The following LGALS8 variants were observed in gnomAD, a reference collection of about 807,000 sequenced individuals.
LGALS8 encodes the protein galectin 8.
In LGALS8, 30 loss-of-function variants were observed where a neutral mutation model predicts 35.9. That is an observed-to-expected ratio of 0.83 (90% CI 0.62 to 1.13). LGALS8 has a LOEUF of 1.13. LGALS8 is among the 50% of genes most tolerant of loss of function. LGALS8 has a pLI of 0.00. For missense variants in LGALS8, 366 were observed against 388.7 expected (o/e 0.94, Z 0.49); for synonymous variants, 138 against 136.1 (o/e 1.01, Z -0.10).
intron 3 of LGALS8, among the ~76,000 whole-genome samples, chr1:236,537,934 T>TAA (rs1553277041): frequency 1.6e-5 from 2 of 128,874 alleles, no homozygotes; most frequent in African/African-American, 6.6e-5. Flanking sequence ...CCCCCATCTG[T>TAA]AAAAAAAAAA....
At chr1:236,518,864 C>T (rs1266382), upstream of LGALS8, among the ~76,000 whole-genome samples, 65,828 of 151,970 alleles carry the variant, frequency 0.43, 16,590 homozygotes, top group African/African-American at 0.67. Flanking sequence ...ATTTTACAAT[C>T]ATGTTAACAA....
intron 2 of LGALS8, among the ~76,000 whole-genome samples, chr1:236,533,464 A>G (rs56740824): frequency 0.041 from 6,223 of 151,818 alleles, 435 homozygotes; most frequent in African/African-American, 0.14. Flanking sequence ...CCTCCTGAGT[A>G]GCTGGGATTA....
At position 236,542,522 on chromosome 1, in the gene LGALS8, T is replaced by C. The variant is rs557102988; in HGVS notation, c.523-239T>C. On this transcript the variant is annotated intron_variant, in intron 6 of 9. Coordinates refer to ENST00000366584, the MANE Select transcript of LGALS8 (RefSeq NM_201544.4). Reference sequence around the variant, plus strand: ...AGTTCTATGAAAAATTATTAATTTATGGTGGAGGATAAAGGACTCAGATGA... The same window carrying C: ...AGTTCTATGAAAAATTATTAATTTACGGTGGAGGATAAAGGACTCAGATGA... 9 of 563,680 alleles carry C rather than the reference T, an allele frequency of 1.6e-5. No homozygotes were observed. In the South Asian group the frequency reaches 2.2e-4, roughly 14 times the overall value. The allele number at this position is 563,680 out of a possible 1,614,324, so 34.9% of individuals were successfully genotyped here.
chr1:236,521,593 C>T (rs978977058), upstream of LGALS8, among the ~76,000 whole-genome samples: 4 of 152,070 alleles, frequency 2.6e-5, no homozygotes, highest in African/African-American at 4.8e-5. Flanking sequence ...TACAGGAGGC[C>T]GAGGCGGGCG....
chr1:236,532,802 C>T (rs901917199), intron 2 of LGALS8, among the ~76,000 whole-genome samples: 1 of 152,186 alleles, frequency 6.6e-6, no homozygotes, highest in African/African-American at 2.4e-5. Context: ...CGAGATCACG[C>T]CATTGCACTC....
chr1:236,531,824 C>G (rs143118762), intron 2 of LGALS8, among the ~76,000 whole-genome samples: 1 of 152,170 alleles, frequency 6.6e-6, no homozygotes, highest in African/African-American at 2.4e-5. Context: ...TGATGACTCA[C>G]CAGCATAGAG....
At chr1:236,523,452 G>C (rs1298567968), upstream of LGALS8, 2 of 156,706 alleles carry the variant, frequency 1.3e-5, no homozygotes, top group South Asian at 3.7e-4. Context: ...ACTTGGATCC[G>C]AGGCAGACGA....
intron 2 of LGALS8, among the ~76,000 whole-genome samples, chr1:236,529,087 G>T (rs1409333472): frequency 6.6e-6 from 1 of 151,726 alleles, no homozygotes; most frequent in Non-Finnish European, 1.5e-5. Context: ...ACCAGCTTGA[G>T]CAACATAGTG....
At chr1:236,540,514 A>G (rs770127769) in intron 4 of LGALS8, 50 bp from the exon 5 acceptor site, 22 of 1,456,578 alleles carry the variant, frequency 1.5e-5, no homozygotes, top group Non-Finnish European at 2.0e-5. Context: ...TAATTTATTA[A>G]CTGTTTTTTT....
Position 236,537,503 on chromosome 1 carries a change from C to G in LGALS8, c.52C>G (p.Pro18Ala). The change falls in exon 3 of 10, where the codon CCG (proline) becomes GCG (alanine). Residue 18 changes from proline to alanine, a missense_variant. Transcript: ENST00000366584. ...LQNIIYNPVI[P>A]FVGTIPDQLD... ...GTTAAATTTTTTTTCTTAGGTAATC[C>G]CGTTTGTTGGCACCATTCCTGATCA... The G allele has an allele frequency of 3.2e-6, 5 of 1,585,394 alleles. No individual in the cohort carries two copies. Among genetic ancestry groups the G allele is most frequent in the Non-Finnish European group, 3.5e-6 (4 of 1,153,404 alleles).
At position 236,551,567 on chromosome 1, in the gene LGALS8, CA is replaced by C. The variant is rs1274214940; in HGVS notation, c.*3407del. On this transcript the variant is annotated 3_prime_UTR_variant, in exon 10 of 10. Coordinates refer to ENST00000366584, the MANE Select transcript of LGALS8 (RefSeq NM_201544.4). The stretch of plus-strand genomic sequence containing the variant: ...GAGATAATCCAAGTAAAGCACCTAA[CA>C]TGGAGTAGTGAATGAACATCGGTTG... 8 of 160,750 alleles carry C rather than the reference CA, an allele frequency of 5.0e-5. No homozygotes were observed. The highest frequency in any genetic ancestry group is 1.1e-4 in the Non-Finnish European group (8 of 73,870). 10.0% of individuals were successfully genotyped at this position (160,750 alleles called of 1,614,324 possible). A position where few individuals can be genotyped will look rare whatever the true frequency, so the allele number is the denominator to read the frequency against.
chr1:236,533,393 G>T (rs819421), intron 2 of LGALS8, among the ~76,000 whole-genome samples: 44,996 of 151,120 alleles, frequency 0.3, 6,966 homozygotes, highest in South Asian at 0.47. Flanking sequence ...GGAGTGCAAT[G>T]GCCCGATCTC....
chr1:236,522,053 G>A (rs1372833911), upstream of LGALS8, among the ~76,000 whole-genome samples: 1 of 152,152 alleles, frequency 6.6e-6, no homozygotes, highest in Non-Finnish European at 1.5e-5. Context: ...GCTGTGCCTG[G>A]CCATGATAGG....
At chr1:236,530,958 T>C (rs764986422) in intron 2 of LGALS8, among the ~76,000 whole-genome samples, 4 of 152,376 alleles carry the variant, frequency 2.6e-5, no homozygotes, top group Admixed American at 6.5e-5. Flanking sequence ...GAGATACTTA[T>C]GAATATCCAA....
chr1:236,544,722 GTTTTTT>G, intron 8 of LGALS8, 22 bp from the exon 9 acceptor site: 4 of 1,347,390 alleles, frequency 3.0e-6, no homozygotes, highest in Non-Finnish European at 4.1e-6. Context: ...GTTAATTAAG[GTTTTTT>G]TTTTTCTTTC....
At chr1:236,540,533 G>A (rs556921531) in intron 4 of LGALS8, 31 bp from the exon 5 acceptor site, 4 of 179,594 alleles carry the variant, frequency 2.2e-5, no homozygotes, top group African/African-American at 1.1e-4. Context: ...TTTTGGTGGC[G>A]GGGGGGGCTC....
intron 3 of LGALS8, among the ~76,000 whole-genome samples, 195 bp from the exon 4 acceptor site, chr1:236,538,684 T>A (rs762496706): frequency 6.6e-6 from 1 of 152,210 alleles, no homozygotes; most frequent in Non-Finnish European, 1.5e-5. Context: ...TCAGACCCAG[T>A]TCAAACTCAG....
intron 2 of LGALS8, among the ~76,000 whole-genome samples, chr1:236,535,453 ATAGAT>A (rs1661425878): frequency 1.3e-5 from 2 of 152,194 alleles, no homozygotes; most frequent in Non-Finnish European, 2.9e-5. Context: ...ATATGGCTCT[ATAGAT>A]TACTTTCTCA....
intron 2 of LGALS8, among the ~76,000 whole-genome samples, chr1:236,531,262 G>A (rs767736183): frequency 4.6e-5 from 7 of 152,088 alleles, no homozygotes; most frequent in African/African-American, 1.4e-4. Context: ...GGATAAATCT[G>A]TAAAAGTGGA....
Sources: gnomAD v4.1 joint callset for allele counts (sites outside exome capture counted in the v4.1 genomes callset) on GRCh38, gnomAD v4.1.1 for gene constraint, MANE v1.5 for transcripts, NCBI Gene and HGNC (gene_info 2026-07-23, HGNC 2026-07-21) for gene names.